Variants in DOCK3 observed in about 807,000 individuals in gnomAD.
DOCK3 encodes the protein dedicator of cytokinesis protein 3.
In DOCK3, 60 loss-of-function variants were observed where a neutral mutation model predicts 265.6. The observed-to-expected ratio is 0.23, with a 90% CI of 0.18 to 0.28. The LOEUF (loss-of-function observed/expected upper bound fraction) is 0.28, where lower values mean the gene tolerates loss of function less well. Ranked by LOEUF, DOCK3 falls within the 10% of genes least tolerant of loss-of-function variation. The pLI is 1.00. For synonymous variants in DOCK3, 881 were observed against 938.0 expected, an observed-to-expected ratio of 0.94 and a Z score of 1.11; for missense variants, 1,981 against 2,594.3, an observed-to-expected ratio of 0.76 and a Z score of 5.14.
At position 51,381,019 on chromosome 3, in the gene DOCK3, G is replaced by T. The variant is rs782192809; in HGVS notation, c.5584-31G>T. ...GCAAGTCAGCCTGTCTGGAGAGAGG[G>T]ATTCTAACATGCCCACCCTTTCCTT... On this transcript the variant is annotated intron_variant, in intron 52 of 52. Transcript: ENST00000266037. The surrounding 1 kb of genome is among the most constrained non-coding windows in gnomAD (Gnocchi z 5.6). The T allele has an allele frequency of 1.9e-6, 3 of 1,552,160 alleles. No individual in the cohort carries two copies. The highest frequency in any genetic ancestry group is 1.8e-5 in the Admixed American group (1 of 57,010).
intron 22 of DOCK3, among the ~76,000 whole-genome samples, chr3:51,249,092 G>A (rs1285032702): frequency 5.6e-5 from 8 of 142,838 alleles, no homozygotes; most frequent in South Asian, 2.3e-4. Flanking sequence ...CCCCGTCCGG[G>A]AGGGAGGTGG....
At chr3:51,347,922 A>C (rs1172894170) in intron 38 of DOCK3, among the ~76,000 whole-genome samples, 2 of 152,168 alleles carry the variant, frequency 1.3e-5, no homozygotes, top group African/African-American at 4.8e-5. Flanking sequence ...GAGTTCACTC[A>C]CAATTTGGCT....
At chr3:50,873,408 G>C (rs2047531709) in intron 3 of DOCK3, among the ~76,000 whole-genome samples, 1 of 152,106 alleles carries the variant, frequency 6.6e-6, no homozygotes, top group African/African-American at 2.4e-5. Flanking sequence ...TGACTGAGCT[G>C]GTATCCAAGA....
chr3:51,006,224 C>T (rs1311946271), intron 5 of DOCK3, among the ~76,000 whole-genome samples: 1 of 145,978 alleles, frequency 6.9e-6, no homozygotes, highest in Non-Finnish European at 1.5e-5. Context: ...TAAATGTTTC[C>T]TCTCACACTT....
chr3:50,736,789 C>T (rs1010656635), intron 1 of DOCK3, among the ~76,000 whole-genome samples: 23 of 150,404 alleles, frequency 1.5e-4, no homozygotes, highest in African/African-American at 5.7e-4. Context: ...CTCCGCCTCC[C>T]AGGTTCATGC....
At chr3:51,330,512 G>T (rs543440515) in intron 33 of DOCK3, among the ~76,000 whole-genome samples, 3 of 152,192 alleles carry the variant, frequency 2.0e-5, no homozygotes, top group Non-Finnish European at 2.9e-5. Flanking sequence ...GCATCTGGAT[G>T]GGGGGCAGAC....
chr3:50,902,751 A>G (rs2049266791), intron 4 of DOCK3, among the ~76,000 whole-genome samples: 2 of 152,204 alleles, frequency 1.3e-5, no homozygotes, highest in African/African-American at 2.4e-5. Context: ...AACTGAATCT[A>G]TAAATTACTT....
At chr3:51,109,084 C>A (rs1235102388) in intron 9 of DOCK3, among the ~76,000 whole-genome samples, 1 of 151,146 alleles carries the variant, frequency 6.6e-6, no homozygotes, top group East Asian at 1.9e-4. Context: ...ACATTCTTAT[C>A]TGCACATGGC....
intron 19 of DOCK3, among the ~76,000 whole-genome samples, chr3:51,234,823 G>A (rs991575429): frequency 1.3e-5 from 2 of 152,168 alleles, no homozygotes; most frequent in African/African-American, 2.4e-5. Flanking sequence ...GCTTTTCTGG[G>A]CAGAGTGTTT....
At chr3:51,317,644 AAG>A (rs1319580524) in intron 32 of DOCK3, among the ~76,000 whole-genome samples, 1 of 149,606 alleles carries the variant, frequency 6.7e-6, no homozygotes, top group Non-Finnish European at 1.5e-5. Context: ...AAATTGCTAA[AAG>A]AGTAGACTTT....
chr3:50,686,257 C>G (rs547716300), intron 1 of DOCK3, among the ~76,000 whole-genome samples: 2 of 152,112 alleles, frequency 1.3e-5, no homozygotes, highest in East Asian at 3.9e-4. Flanking sequence ...TGGTTGCCAT[C>G]ACTGCAGAAA....
chr3:51,055,789 CCTTT>C (rs2081179607), intron 5 of DOCK3, among the ~76,000 whole-genome samples: 1 of 152,058 alleles, frequency 6.6e-6, no homozygotes, highest in South Asian at 2.1e-4. Flanking sequence ...TGGTGTTGTT[CCTTT>C]CTTATGAAGA....
intron 15 of DOCK3, 121 bp downstream of exon 15, chr3:51,225,894 C>T: frequency 1.5e-6 from 2 of 1,300,238 alleles, no homozygotes; most frequent in East Asian, 5.0e-5. Context: ...GCCTTTTTCT[C>T]TGCCTTTTTC....
In DOCK3 at chr3:50,690,625, G is replaced by GTTCATTCA. The variant is rs375895436; in HGVS notation, c.37+15348_37+15355dup. Among the ~76,000 whole-genome samples, 66 of 151,602 alleles carry GTTCATTCA rather than the reference G, an allele frequency of 4.4e-4. No homozygotes were observed. In the South Asian group the frequency reaches 5.2e-3, roughly 12 times the overall value. ...TCTACATTCATTCATTCGTTCGTTC[G>GTTCATTCA]TTCATTCATTCATTCATTCATTCAT... On this transcript the variant is annotated intron_variant, in intron 1 of 52. Transcript: ENST00000266037.
intron 9 of DOCK3, among the ~76,000 whole-genome samples, chr3:51,094,130 C>G (rs761967808): frequency 1.3e-5 from 2 of 151,912 alleles, no homozygotes; most frequent in Non-Finnish European, 2.9e-5. Flanking sequence ...CCGAAATTTT[C>G]TTTTTTTGTT....
chr3:50,974,403 T>C (rs1239291466), intron 5 of DOCK3, among the ~76,000 whole-genome samples: 1 of 152,054 alleles, frequency 6.6e-6, no homozygotes, highest in Non-Finnish European at 1.5e-5. Flanking sequence ...GGGAATCCTT[T>C]CCCCATTGCT....
At chr3:50,881,733 A>G (rs546367779) in intron 3 of DOCK3, among the ~76,000 whole-genome samples, 1 of 152,322 alleles carries the variant, frequency 6.6e-6, no homozygotes, top group South Asian at 2.1e-4. Flanking sequence ...TCATGTGACC[A>G]ATGCCTTTCT....
chr3:51,353,734 T>G (rs1302844363), intron 40 of DOCK3, among the ~76,000 whole-genome samples: 2 of 152,252 alleles, frequency 1.3e-5, no homozygotes, highest in Non-Finnish European at 2.9e-5. Flanking sequence ...TTACAAGGCC[T>G]GCCCTGTGAT....
chr3:51,071,738 T>C (rs1044422259), intron 6 of DOCK3, among the ~76,000 whole-genome samples: 1 of 152,168 alleles, frequency 6.6e-6, no homozygotes, highest in Non-Finnish European at 1.5e-5. Context: ...AATGCATCTT[T>C]TGCTGTGAAG....
Sources: gnomAD v4.1 joint callset for allele counts (sites outside exome capture counted in the v4.1 genomes callset) on GRCh38, gnomAD v4.1.1 for gene constraint, Gnocchi (gnomAD v3.1) non-coding constraint, MANE v1.5 for transcripts, NCBI Gene and HGNC (gene_info 2026-07-23, HGNC 2026-07-21) for gene names.